B4GALT6: variants seen among roughly 807,000 people sequenced by gnomAD.
The protein encoded by B4GALT6 is beta-1,4-galactosyltransferase 6.
A neutral mutation model predicts 46.3 loss-of-function variants in B4GALT6; 14 were observed. That is an observed-to-expected ratio of 0.30 (90% CI 0.20 to 0.47). The LOEUF (loss-of-function observed/expected upper bound fraction) is 0.47. Among genes scored for constraint, B4GALT6 ranks in the 20% least tolerant of loss-of-function variants. The pLI is 0.99. For synonymous variants in B4GALT6, 168 were observed against 162.0 expected, an observed-to-expected ratio of 1.04 and a Z score of -0.28; for missense variants, 386 against 480.1, an observed-to-expected ratio of 0.80 and a Z score of 1.83.
At chr18:31,714,446 C>A in the B4GALT6 span, among the ~76,000 whole-genome samples, 4 of 152,156 alleles carry the variant, frequency 2.6e-5, no homozygotes, top group African/African-American at 9.7e-5. Flanking sequence ...TCCCCTGGGG[C>A]CTGACATGAA....
At chr18:31,663,426 C>T (rs1011495140) in intron 2 of B4GALT6, among the ~76,000 whole-genome samples, 5 of 152,124 alleles carry the variant, frequency 3.3e-5, no homozygotes, top group Admixed American at 2.0e-4. Context: ...TCACTGAATA[C>T]GTCTTGTTTT....
rs540765832 is a variant in B4GALT6 at position 31,663,722 on chromosome 18, T to C, written c.232+2534A>G. Among the ~76,000 whole-genome samples, 8 of 152,342 alleles carry C rather than the reference T, an allele frequency of 5.3e-5. No individual in the cohort carries two copies. In the South Asian group the frequency reaches 1.4e-3, roughly 28 times the overall value. ...TCTTCTTTTTTGGATATTGTATCTA[T>C]AGAAGTCTATGTAGAAATAACCAGT... On this transcript the variant is annotated intron_variant, in intron 2 of 8. Transcript: ENST00000306851.
intron 2 of B4GALT6, among the ~76,000 whole-genome samples, chr18:31,661,236 G>A (rs2074211792): frequency 1.3e-5 from 2 of 152,128 alleles, no homozygotes; most frequent in African/African-American, 4.8e-5. Flanking sequence ...GATAAGGATA[G>A]GAAAAATTGG....
chr18:31,669,553 A>G lies in B4GALT6; in HGVS notation c.116-3181T>C, dbSNP rs552093256. ...TTTCTTAATCCATATTAATTTTTTC[A>G]TAATGAAAGTATCTACAGCAACAAA... On this transcript the variant is annotated intron_variant, in intron 1 of 8. Transcript: ENST00000306851. 2.0e-5 allele frequency among the ~76,000 whole-genome samples: 3 copies of G among 152,320 alleles called. No homozygotes were observed. The East Asian group carries it at 5.8e-4, about 29-fold the overall frequency.
rs905199126 is a variant in B4GALT6, at chr18:31,638,719, A to G, written c.513T>C (p.Leu171=). 1.9e-5 allele frequency: 31 copies of G among 1,614,032 alleles called. No individual in the cohort carries two copies. The highest frequency in any genetic ancestry group is 2.4e-5 in the Non-Finnish European group (28 of 1,180,028). The part of the protein sequence containing the change: ...LIPFRNRHEH[L]PIFFLHLIPM... ...GAATCAGATGTAAGAAAAAAATTGG[A>G]AGATGTTCATGGCGATTACGGAAAG... Residue 171 remains leucine (L), a synonymous_variant, in exon 5 of 9, where the codon CTT becomes CTC. Coordinates refer to ENST00000306851, the MANE Select transcript of B4GALT6 (RefSeq NM_004775.5).
chr18:31,697,763 T>C, the B4GALT6 span, among the ~76,000 whole-genome samples: 59 of 152,206 alleles, frequency 3.9e-4, 1 homozygote, highest in Non-Finnish European at 7.5e-4. Context: ...TTATACATTG[T>C]TAGCTTGGTA....
intron 1 of B4GALT6, among the ~76,000 whole-genome samples, chr18:31,683,943 T>C (rs562110143): frequency 6.6e-6 from 1 of 152,300 alleles, no homozygotes; most frequent in Non-Finnish European, 1.5e-5. Flanking sequence ...CGAGAGTGTT[T>C]GAATAAAACT....
the B4GALT6 span, among the ~76,000 whole-genome samples, chr18:31,697,264 T>A: frequency 4.0e-4 from 60 of 150,972 alleles, no homozygotes; most frequent in Non-Finnish European, 7.8e-4. Flanking sequence ...AGACCCTGTC[T>A]CCCCCACCCT....
upstream of B4GALT6, among the ~76,000 whole-genome samples, chr18:31,687,397 A>T (rs745343749): frequency 1.3e-5 from 2 of 152,198 alleles, no homozygotes; most frequent in Admixed American, 6.5e-5. Context: ...TGGGTCACCC[A>T]TTAAGTCTGT....
chr18:31,657,879 G>T, intron 3 of B4GALT6, 97 bp downstream of exon 3: 1 of 825,070 alleles, frequency 1.2e-6, no homozygotes, highest in Non-Finnish European at 2.0e-6. Flanking sequence ...GCACCCAGGT[G>T]CACATGACCT....
chr18:31,685,293 G>T (rs1025611939), upstream of B4GALT6, among the ~76,000 whole-genome samples: 1 of 121,316 alleles, frequency 8.2e-6, no homozygotes, highest in Admixed American at 8.1e-5. Flanking sequence ...GCAACCGGGC[G>T]ACGCGCGCTG....
intron 1 of B4GALT6, among the ~76,000 whole-genome samples, chr18:31,668,547 T>G (rs1433351563): frequency 1.3e-5 from 2 of 152,212 alleles, no homozygotes; most frequent in East Asian, 3.8e-4. Flanking sequence ...AAGTAAGGTT[T>G]GTGGGTTTTT....
intron 4 of B4GALT6, 93 bp downstream of exon 4, chr18:31,645,260 CTT>C (rs1173751626): frequency 6.6e-7 from 1 of 1,512,224 alleles, no homozygotes; most frequent in African/African-American, 1.4e-5. Context: ...TTTATCAAGA[CTT>C]AAAGACATTT....
At chr18:31,628,150 G>A (rs889748395) in intron 6 of B4GALT6, among the ~76,000 whole-genome samples, 1 of 152,184 alleles carries the variant, frequency 6.6e-6, no homozygotes, top group South Asian at 2.1e-4. Flanking sequence ...AAGCAGTCTT[G>A]CCCTCATCCT....
At chr18:31,681,501 T>C (rs1426671029) in intron 1 of B4GALT6, among the ~76,000 whole-genome samples, 1 of 152,194 alleles carries the variant, frequency 6.6e-6, no homozygotes, top group Non-Finnish European at 1.5e-5. Context: ...CATTAGACAC[T>C]TCAAGAAAAA....
intron 2 of B4GALT6, among the ~76,000 whole-genome samples, chr18:31,659,732 C>A (rs1022607938): frequency 1.3e-5 from 2 of 152,010 alleles, no homozygotes; most frequent in Non-Finnish European, 2.9e-5. Flanking sequence ...TCTCCCTGGG[C>A]GAGTGCTGGA....
At chr18:31,707,213 T>A in the B4GALT6 span, among the ~76,000 whole-genome samples, 1 of 147,696 alleles carries the variant, frequency 6.8e-6, no homozygotes. Flanking sequence ...TAAATTTATT[T>A]TAAAATTTCT....
At chr18:31,709,434 C>CATATATATATATATATATATATATAT in the B4GALT6 span, among the ~76,000 whole-genome samples, 13 of 130,956 alleles carry the variant, frequency 9.9e-5, no homozygotes, top group African/African-American at 3.9e-4. Context: ...GCAATTCATA[C>CATATATATATATATATATATATATAT]ATATATATAT....
upstream of B4GALT6, chr18:31,684,738 G>A (rs538526229): frequency 3.0e-5 from 33 of 1,109,010 alleles, no homozygotes; most frequent in South Asian, 8.0e-4. Flanking sequence ...GGGCGAGGAG[G>A]AGCGTTTTCT....
Sources: allele counts gnomAD v4.1 joint callset (sites outside exome capture counted in the v4.1 genomes callset), GRCh38; gene constraint gnomAD v4.1.1; transcripts MANE v1.5; gene names NCBI Gene and HGNC (gene_info 2026-07-23, HGNC 2026-07-21).